IQCM: variants seen among roughly 807,000 people sequenced by gnomAD.
The protein encoded by IQCM is IQ domain-containing protein M.
In IQCM, 45 loss-of-function variants were observed where a neutral mutation model predicts 57.6. That is an observed-to-expected ratio of 0.78 (90% CI 0.62 to 1.00). The LOEUF is 1.00. Ranked by LOEUF, IQCM falls within the 50% of genes least tolerant of loss-of-function variation. IQCM has a pLI of 0.00. For synonymous variants in IQCM, 148 were observed against 158.9 expected, an observed-to-expected ratio of 0.93 and a Z score of 0.51; for missense variants, 468 against 511.6, an observed-to-expected ratio of 0.91 and a Z score of 0.82.
intron 2 of IQCM, among the ~76,000 whole-genome samples, chr4:149,749,024 C>T (rs993280563): frequency 2.0e-5 from 3 of 152,160 alleles, no homozygotes; most frequent in Non-Finnish European, 2.9e-5. Context: ...AATAAAACCA[C>T]GACCATCACA....
intron 5 of IQCM, among the ~76,000 whole-genome samples, chr4:149,712,191 T>G (rs1429191747): frequency 1.3e-5 from 2 of 152,128 alleles, no homozygotes; most frequent in Non-Finnish European, 2.9e-5. Context: ...AGAACACACA[T>G]GCTGTGACAG....
intron 7 of IQCM, among the ~76,000 whole-genome samples, chr4:149,631,883 G>A (rs1352588900): frequency 6.6e-6 from 1 of 152,194 alleles, no homozygotes; most frequent in Non-Finnish European, 1.5e-5. Flanking sequence ...AGATTAGGAA[G>A]CAGTCTGTGA....
At chr4:149,491,112 A>G (rs1742045357) in intron 12 of IQCM, among the ~76,000 whole-genome samples, 1 of 152,022 alleles carries the variant, frequency 6.6e-6, no homozygotes, top group South Asian at 2.1e-4. Flanking sequence ...ACCAGCTTTG[A>G]CTTTTGAACT....
intron 12 of IQCM, among the ~76,000 whole-genome samples, chr4:149,521,449 G>C (rs1005341377): frequency 6.6e-6 from 1 of 152,094 alleles, no homozygotes; most frequent in African/African-American, 2.4e-5. Context: ...TTTTGTTTCA[G>C]AGACAGAAAA....
intron 13 of IQCM, among the ~76,000 whole-genome samples, chr4:149,428,893 A>G (rs991154165): frequency 2.6e-5 from 4 of 151,876 alleles, no homozygotes; most frequent in African/African-American, 9.7e-5. Context: ...AATGATATGA[A>G]AAAGAAGTAG....
intron 13 of IQCM, among the ~76,000 whole-genome samples, chr4:149,432,024 A>G (rs1023644690): frequency 6.6e-6 from 1 of 151,210 alleles, no homozygotes; most frequent in African/African-American, 2.4e-5. Context: ...TATATTGTGT[A>G]TATATATGCT....
chr4:149,386,992 G>A (rs1465192580), intron 13 of IQCM, among the ~76,000 whole-genome samples: 2 of 151,978 alleles, frequency 1.3e-5, no homozygotes, highest in Admixed American at 6.6e-5. Context: ...ATACCTGGTG[G>A]TCTACCCCTT....
At chr4:149,689,969 T>C (rs566811254) in intron 5 of IQCM, among the ~76,000 whole-genome samples, 70 of 152,238 alleles carry the variant, frequency 4.6e-4, no homozygotes, top group African/African-American at 1.5e-3. Context: ...GGTGGGAATG[T>C]AAACTAATAC....
chr4:149,605,395 C>A (rs1241017630), intron 8 of IQCM, among the ~76,000 whole-genome samples: 1 of 152,122 alleles, frequency 6.6e-6, no homozygotes, highest in Non-Finnish European at 1.5e-5. Context: ...TAGGAAGTGG[C>A]ATGTTGGTAT....
At chr4:149,620,309 A>C (rs2150071950) in intron 8 of IQCM, among the ~76,000 whole-genome samples, 1 of 152,316 alleles carries the variant, frequency 6.6e-6, no homozygotes, top group African/African-American at 2.4e-5. Context: ...ACAGTAAGAA[A>C]ATAAATTTTT....
chr4:149,601,393 C>T (rs921706860), intron 8 of IQCM, among the ~76,000 whole-genome samples: 8 of 152,114 alleles, frequency 5.3e-5, no homozygotes, highest in African/African-American at 1.7e-4. Context: ...TGAAACAAAA[C>T]AGTTGTGCTA....
chr4:149,408,772 A>G lies in IQCM; in HGVS notation c.1390+24624T>C, dbSNP rs557349428. ...CTTTTTTTAGATAATACCATAGCAG[A>G]GAAACACAACTGCTGTTCTTTAAGA... On this transcript the variant is annotated intron_variant, in intron 13 of 13. Coordinates refer to ENST00000636793, the MANE Select transcript of IQCM (RefSeq NM_001363507.2). Among the ~76,000 whole-genome samples, 18 of 152,280 alleles carry G rather than the reference A, an allele frequency of 1.2e-4. No homozygotes were observed. In the South Asian group the frequency reaches 3.7e-3, roughly 32 times the overall value.
chr4:149,625,452 C>A (rs1756710527), intron 7 of IQCM, among the ~76,000 whole-genome samples: 1 of 152,150 alleles, frequency 6.6e-6, no homozygotes, highest in Admixed American at 6.5e-5. Flanking sequence ...GTATAACAAG[C>A]TTGTTTATCA....
At chr4:149,573,267 A>T (rs1751334676) in intron 9 of IQCM, among the ~76,000 whole-genome samples, 1 of 151,334 alleles carries the variant, frequency 6.6e-6, no homozygotes, top group Non-Finnish European at 1.5e-5. Context: ...AAAGACCACA[A>T]AAACATGCCA....
intron 5 of IQCM, among the ~76,000 whole-genome samples, chr4:149,707,835 A>T (rs928163876): frequency 1.3e-5 from 2 of 151,958 alleles, no homozygotes; most frequent in African/African-American, 4.8e-5. Context: ...CCCTTCAGAG[A>T]CCCTATGGAG....
In IQCM at chr4:149,449,370, A is replaced by ATTATATATTATATATATAATATATATAT. The variant is rs1330926206; in HGVS notation, c.1229-15841_1229-15814dup. Among the ~76,000 whole-genome samples the ATTATATATTATATATATAATATATATAT allele has an allele frequency of 1.5e-3, 217 of 145,942 alleles. 1 individual carries two copies. Among genetic ancestry groups the ATTATATATTATATATATAATATATATAT allele is most frequent in the African/African-American group, 5.0e-3 (200 of 40,310 alleles). ...TATATGTATATATTATATACATTAT[A>ATTATATATTATATATATAATATATATAT]TTATATATTATATATATAATATATA... On this transcript the variant is annotated intron_variant, in intron 12 of 13. Transcript: ENST00000636793.
At chr4:149,721,391 C>T (rs997758308) in intron 5 of IQCM, among the ~76,000 whole-genome samples, 7 of 151,938 alleles carry the variant, frequency 4.6e-5, no homozygotes, top group South Asian at 2.1e-4. Context: ...ACCCATCACC[C>T]AAATAGTGTA....
intron 12 of IQCM, among the ~76,000 whole-genome samples, chr4:149,440,017 C>T (rs776405573): frequency 2.0e-5 from 3 of 149,400 alleles, no homozygotes; most frequent in African/African-American, 7.4e-5. Flanking sequence ...AGTGCAGTAG[C>T]GCAATCTCGG....
At chr4:149,765,744 T>C (rs1769981575) in intron 2 of IQCM, among the ~76,000 whole-genome samples, 1 of 152,084 alleles carries the variant, frequency 6.6e-6, no homozygotes. Context: ...GGTCACAAGA[T>C]TTGTGACTTC....
Sources: allele counts gnomAD v4.1 joint callset (sites outside exome capture counted in the v4.1 genomes callset), GRCh38; gene constraint gnomAD v4.1.1; transcripts MANE v1.5; gene names NCBI Gene and HGNC (gene_info 2026-07-23, HGNC 2026-07-21).